The following CHD8 variants were observed in gnomAD, a reference collection of about 807,000 sequenced individuals.
The protein encoded by CHD8 is chromodomain helicase DNA binding protein 8.
A neutral mutation model predicts 279.2 loss-of-function variants in CHD8; 31 were observed. That is an observed-to-expected ratio of 0.11 (90% CI 0.08 to 0.15). The LOEUF (loss-of-function observed/expected upper bound fraction) is 0.15, where lower values mean the gene tolerates loss of function less well. Among genes scored for constraint, CHD8 ranks in the 10% least tolerant of loss-of-function variants. CHD8 has a pLI of 1.00. For synonymous variants in CHD8, 1,081 were observed against 1,139.6 expected, an observed-to-expected ratio of 0.95 and a Z score of 1.04; for missense variants, 2,146 against 3,230.5, an observed-to-expected ratio of 0.66 and a Z score of 8.14.
chr14:21,428,262 A>G lies in CHD8; in HGVS notation c.1216-8T>C. On this transcript the variant is annotated splice_polypyrimidine_tract_variant and splice_region_variant and intron_variant, in intron 3 of 37. Transcript: ENST00000646647. ...CCCTTGGGAAGAGCCAGCCTATAGAAACAAAGATACTACAATTTCAACTTG... is the reference window on the plus strand; with the variant it reads ...CCCTTGGGAAGAGCCAGCCTATAGAGACAAAGATACTACAATTTCAACTTG... 1 of 1,610,214 alleles carries G rather than the reference A, an allele frequency of 6.2e-7. No homozygotes were observed. Among genetic ancestry groups the G allele is most frequent in the East Asian group, 2.2e-5 (1 of 44,834 alleles).
At chr14:21,434,859 CT>C (rs1889715130) in intron 1 of CHD8, among the ~76,000 whole-genome samples, 2 of 152,180 alleles carry the variant, frequency 1.3e-5, no homozygotes, top group Non-Finnish European at 2.9e-5. Context: ...TCTACTACTA[CT>C]TGTGGGTCAC....
chr14:21,426,444 A>G, intron 4 of CHD8: 1 of 504,644 alleles, frequency 2.0e-6, no homozygotes, highest in Admixed American at 3.8e-5. Flanking sequence ...TGACCCTTAT[A>G]CCATATTTGA....
chr14:21,394,762 G>A, intron 30 of CHD8, 150 bp downstream of exon 30: 1 of 755,348 alleles, frequency 1.3e-6, no homozygotes, highest in Non-Finnish European at 2.1e-6. Flanking sequence ...GCATGCAAGT[G>A]AGGTTTTAAT....
At position 21,402,620 on chromosome 14, in the gene CHD8, CT is replaced by C. The variant is rs1453829499; in HGVS notation, c.3715-118del. 39 of 994,698 alleles carry C rather than the reference CT, an allele frequency of 3.9e-5. 1 individual carries two copies. The South Asian group carries it at 5.7e-4, about 14-fold the overall frequency. 61.6% of individuals were successfully genotyped at this position (994,698 alleles called of 1,614,324 possible). A position where few individuals can be genotyped will look rare whatever the true frequency, so the allele number is the denominator to read the frequency against. On this transcript the variant is annotated intron_variant, in intron 18 of 37. Coordinates refer to ENST00000646647, the MANE Select transcript of CHD8 (RefSeq NM_001170629.2). The surrounding 1 kb of genome is among the most constrained non-coding windows in gnomAD (Gnocchi z 4.5). ...CTCTATAGAGCAGCCATGAGATCAA[CT>C]CAAAACCAAGAGTCAATTTCAAGAT...
intron 1 of CHD8, among the ~76,000 whole-genome samples, chr14:21,442,103 C>T (rs574235814): frequency 5.3e-4 from 81 of 152,276 alleles, no homozygotes; most frequent in African/African-American, 1.8e-3. Flanking sequence ...AACTGCAAGG[C>T]TGGGAGGCCA....
intron 1 of CHD8, among the ~76,000 whole-genome samples, 197 bp from the exon 2 acceptor site, chr14:21,432,055 A>G (rs142224708): frequency 1.1e-3 from 173 of 152,290 alleles, no homozygotes; most frequent in Middle Eastern, 3.4e-3. Context: ...GAGAAAAACA[A>G]TAACAACCTC....
At position 21,387,494 on chromosome 14, in the gene CHD8, C is replaced by T. The variant is rs146328347; in HGVS notation, c.7183-1318G>A. On this transcript the variant is annotated intron_variant, in intron 37 of 37. Coordinates refer to ENST00000646647, the MANE Select transcript of CHD8 (RefSeq NM_001170629.2). ...CTAAAAGTACAACAAATTAGCTGGG[C>T]GTGGTGCCGCATGCCTGTAATCCCA... Among the ~76,000 whole-genome samples the T allele has an allele frequency of 5.3e-5, 8 of 152,188 alleles. No individual in the cohort carries two copies. In the East Asian group the frequency reaches 5.8e-4, roughly 11 times the overall value.
Position 21,391,448 on chromosome 14 carries a change from G to A in CHD8, c.7065+15C>T, listed in dbSNP as rs762836781. On this transcript the variant is annotated intron_variant, in intron 36 of 37. Coordinates refer to ENST00000646647, the MANE Select transcript of CHD8 (RefSeq NM_001170629.2). ...GGAATGACTTTAAATCTTGCTGGAT[G>A]GGACTGCCACTCACCGCTAGAAATC... 3 of 1,611,270 alleles carry A rather than the reference G, an allele frequency of 1.9e-6. No homozygotes were observed. Among genetic ancestry groups the A allele is most frequent in the Non-Finnish European group, 2.5e-6 (3 of 1,178,360 alleles).
At position 21,385,727 on chromosome 14, in the gene CHD8, T is replaced by C; in HGVS notation, c.7632A>G (p.Glu2544=). The C allele has an allele frequency of 6.4e-7, 1 of 1,551,780 alleles. No homozygotes were observed. Among genetic ancestry groups the C allele is most frequent in the South Asian group, 1.2e-5 (1 of 84,054 alleles). ...LQPEEDDDED[E]EDDDDLSQGY... ...CCTGAGATAAGTCATCATCATCTTC[T>C]TCATCCTCATCGTCATCCTCCTCAG... The change falls in exon 38 of 38, where the codon GAA becomes GAG. Residue 2544 remains glutamate, a synonymous_variant. Coordinates refer to ENST00000646647, the MANE Select transcript of CHD8 (RefSeq NM_001170629.2).
At chr14:21,399,792 G>A (rs1887951351) in intron 25 of CHD8, 87 bp from the exon 26 acceptor site, 4 of 1,037,606 alleles carry the variant, frequency 3.9e-6, no homozygotes, top group Non-Finnish European at 6.0e-6. Flanking sequence ...GTATCTTCCT[G>A]TATCCATTAA....
intron 5 of CHD8, among the ~76,000 whole-genome samples, chr14:21,423,368 AG>A (rs1383391798): frequency 4.6e-5 from 7 of 152,228 alleles, no homozygotes; most frequent in East Asian, 3.8e-4. Flanking sequence ...AGTGAGAGAA[AG>A]CAAGAGAGGT....
chr14:21,418,021 T>C (rs775318440), intron 5 of CHD8, among the ~76,000 whole-genome samples: 3 of 151,702 alleles, frequency 2.0e-5, no homozygotes, highest in Non-Finnish European at 2.9e-5. Context: ...TTTAGAAAAC[T>C]TAACAGATTC....
intron 37 of CHD8, among the ~76,000 whole-genome samples, chr14:21,389,623 G>A (rs1440344916): frequency 6.6e-6 from 1 of 151,878 alleles, no homozygotes; most frequent in Admixed American, 6.6e-5. Context: ...AAAAATAAAA[G>A]ATTAAAAAAC....
chr14:21,446,317 C>T (rs950121432), intron 1 of CHD8, among the ~76,000 whole-genome samples: 14 of 137,532 alleles, frequency 1.0e-4, no homozygotes, highest in Non-Finnish European at 2.2e-4. Flanking sequence ...TCTTCTTCTT[C>T]TTTTTTTTTT....
chr14:21,385,923 C>T lies in CHD8; in HGVS notation c.7436G>A (p.Gly2479Asp), dbSNP rs1461471238. ...SLPFMPFVMGGAPSSPHVDSS... is the reference protein window; with the variant it reads ...SLPFMPFVMGDAPSSPHVDSS... ...GTCTACATGAGGGGATGATGGTGCA[C>T]CACCCATCACAAATGGCATAAAAGG... Residue 2479 changes from glycine to aspartate, a missense_variant, in exon 38 of 38, where the codon GGT becomes GAT. Physicochemically the swap from Gly to Asp is moderately conservative, Grantham distance 94. Transcript: ENST00000646647. 1 of 1,552,800 alleles carries T rather than the reference C, an allele frequency of 6.4e-7. No individual in the cohort carries two copies. Among genetic ancestry groups the T allele is most frequent in the African/African-American group, 1.4e-5 (1 of 73,048 alleles).
At chr14:21,446,886 A>T (rs1326510810) in intron 1 of CHD8, among the ~76,000 whole-genome samples, 2 of 152,174 alleles carry the variant, frequency 1.3e-5, no homozygotes, top group African/African-American at 4.8e-5. Context: ...TAATTGTTTG[A>T]TGTCTACTCT....
At chr14:21,391,329 T>G in intron 36 of CHD8, 134 bp downstream of exon 36, 2 of 838,264 alleles carry the variant, frequency 2.4e-6, no homozygotes, top group Non-Finnish European at 3.7e-6. Context: ...GTTGGAAGAC[T>G]GGGTATTATT....
chr14:21,392,954 G>C, intron 33 of CHD8, 145 bp from the exon 34 acceptor site: 2 of 1,144,644 alleles, frequency 1.7e-6, no homozygotes. Context: ...AGATTCCTAA[G>C]TCAACTGGGA....
intron 5 of CHD8, chr14:21,425,675 TA>T (rs1889282307): frequency 6.5e-6 from 1 of 153,222 alleles, no homozygotes; most frequent in Non-Finnish European, 1.5e-5. Context: ...AAAAAAAATT[TA>T]AAGACACTGA....
Sources: gnomAD v4.1 joint callset for allele counts (sites outside exome capture counted in the v4.1 genomes callset) on GRCh38, gnomAD v4.1.1 for gene constraint, Gnocchi (gnomAD v3.1) non-coding constraint, MANE v1.5 for transcripts, NCBI Gene and HGNC (gene_info 2026-07-23, HGNC 2026-07-21) for gene names.